Variants in RBSN observed in about 807,000 individuals in gnomAD.
RBSN encodes rabenosyn, RAB effector, also known as rabenosyn-5.
In RBSN, 34 loss-of-function variants were observed where a neutral mutation model predicts 60.5. That is an observed-to-expected ratio of 0.56 (90% CI 0.43 to 0.75). RBSN has a LOEUF of 0.75. Ranked by LOEUF, RBSN falls within the 30% of genes least tolerant of loss-of-function variation. RBSN has a pLI of 0.00. For synonymous variants in RBSN, 322 were observed against 366.9 expected, an observed-to-expected ratio of 0.88 and a Z score of 1.40; for missense variants, 845 against 986.8, an observed-to-expected ratio of 0.86 and a Z score of 1.92.
rs752428557 is a variant in RBSN, at chr3:15,074,709, C to T, written c.1428G>A (p.Ala476=). ...GAGTGCGCACTTCATCCATGCGGCC[C>T]GCGGCCTTGGCCTGCCTGATGAATG... ...ITSFIRQAKA[A]GRMDEVRTLQ... The change falls in exon 14 of 14, where the codon GCG becomes GCA. Residue 476 remains alanine (A), a synonymous_variant. Coordinates refer to ENST00000253699, the MANE Select transcript of RBSN (RefSeq NM_022340.4). This position sits in a 1 kb window ranked among gnomAD's most constrained non-coding sequence, Gnocchi z 6.4. 2.7e-5 allele frequency: 43 copies of T among 1,614,136 alleles called. No individual in the cohort carries two copies. Among genetic ancestry groups the T allele is most frequent in the Non-Finnish European group, 3.6e-5 (42 of 1,180,056 alleles).
intron 5 of RBSN, among the ~76,000 whole-genome samples, chr3:15,089,072 G>A (rs1251521630): frequency 3.9e-5 from 6 of 152,062 alleles, no homozygotes; most frequent in Non-Finnish European, 4.4e-5. Context: ...CATGAAAATT[G>A]AATAAATCAC....
In RBSN at chr3:15,072,577, T is replaced by C. The variant is rs2042946433; in HGVS notation, c.*1205A>G. On this transcript the variant is annotated 3_prime_UTR_variant, in exon 14 of 14. Coordinates refer to ENST00000253699, the MANE Select transcript of RBSN (RefSeq NM_022340.4). ...GATTCCTAAATTAGAGACCCGGCCT[T>C]TTAAACAGACCCAGATCAGAGTAAC... The C allele has an allele frequency of 6.6e-6, 1 of 152,208 alleles. No homozygotes were observed. The highest frequency in any genetic ancestry group is 1.5e-5 in the Non-Finnish European group (1 of 68,044). The allele number at this position is 152,208 out of a possible 1,614,324, so 9.4% of individuals were successfully genotyped here. A position where few individuals can be genotyped will look rare whatever the true frequency, so the allele number is the denominator to read the frequency against.
At chr3:15,097,509 C>G (rs1310269516) in intron 2 of RBSN, among the ~76,000 whole-genome samples, 2 of 151,830 alleles carry the variant, frequency 1.3e-5, no homozygotes, top group African/African-American at 4.9e-5. Context: ...GAGCGAAACT[C>G]CATCTCAAAA....
chr3:15,095,800 T>C (rs1446793419), intron 4 of RBSN, 173 bp downstream of exon 4: 3 of 785,608 alleles, frequency 3.8e-6, no homozygotes, highest in Non-Finnish European at 6.0e-6. Context: ...GAGGATTAAA[T>C]GAAATTAATA....
At chr3:15,078,799 T>A (rs866621270) in intron 10 of RBSN, among the ~76,000 whole-genome samples, 4 of 98,166 alleles carry the variant, frequency 4.1e-5, no homozygotes, top group South Asian at 7.4e-4. Flanking sequence ...TATATATATA[T>A]ATATATATAT....
Position 15,084,048 on chromosome 3 carries a change from C to T in RBSN, c.598+687G>A, listed in dbSNP as rs541315665. On this transcript the variant is annotated intron_variant, in intron 8 of 13. Coordinates refer to ENST00000253699, the MANE Select transcript of RBSN (RefSeq NM_022340.4). The surrounding 1 kb of genome is among the most constrained non-coding windows in gnomAD (Gnocchi z 4.2). ...AATGGGCAAAAAATGACCTGTGAGC[C>T]AAGTCCAGCCTCCAGGCTGTTTCTA... 3.3e-5 allele frequency among the ~76,000 whole-genome samples: 5 copies of T among 152,348 alleles called. No homozygotes were observed. In the East Asian group the frequency reaches 7.7e-4, roughly 23 times the overall value.
intron 9 of RBSN, chr3:15,081,390 G>C (rs532012485): frequency 6.6e-6 from 1 of 152,586 alleles, no homozygotes; most frequent in Non-Finnish European, 1.5e-5. Flanking sequence ...AGTGATGCCA[G>C]GCAACAATGG....
chr3:15,091,963 G>A (rs1046246823), intron 4 of RBSN, among the ~76,000 whole-genome samples: 3 of 152,168 alleles, frequency 2.0e-5, no homozygotes, highest in Non-Finnish European at 4.4e-5. Flanking sequence ...TCTTCCACCA[G>A]AATCTAGTAG....
At chr3:15,083,311 G>C (rs2043254199) in intron 8 of RBSN, among the ~76,000 whole-genome samples, 1 of 152,324 alleles carries the variant, frequency 6.6e-6, no homozygotes, top group African/African-American at 2.4e-5. Flanking sequence ...CCTGGTATAT[G>C]TGAGAGTTGG....
intron 10 of RBSN, among the ~76,000 whole-genome samples, chr3:15,078,822 A>G (rs2043132244): frequency 9.4e-6 from 1 of 106,130 alleles, no homozygotes; most frequent in Non-Finnish European, 2.0e-5. Context: ...ATATATATAT[A>G]TACATGGTTT....
chr3:15,074,127 C>T lies in RBSN; in HGVS notation c.2010G>A (p.Glu670=). 1 of 1,614,138 alleles carries T rather than the reference C, an allele frequency of 6.2e-7. No individual in the cohort carries two copies. The highest frequency in any genetic ancestry group is 1.6e-4 in the Middle Eastern group (1 of 6,062). The change falls in exon 14 of 14, where the codon GAG becomes GAA. Residue 670 remains glutamate (E), a synonymous_variant. Coordinates refer to ENST00000253699, the MANE Select transcript of RBSN (RefSeq NM_022340.4). The surrounding 1 kb of genome is among the most constrained non-coding windows in gnomAD (Gnocchi z 6.4). ...EYNPFEEEDE[E]EEAVAGNPFI... ...ATGGATTCCCTGCCACTGCTTCCTCCTCCTCGTCCTCTTCCTCGAAAGGAT... is the reference window on the plus strand; with the variant it reads ...ATGGATTCCCTGCCACTGCTTCCTCTTCCTCGTCCTCTTCCTCGAAAGGAT...
chr3:15,085,790 A>T, intron 6 of RBSN, 71 bp downstream of exon 6: 1 of 1,265,422 alleles, frequency 7.9e-7, no homozygotes, highest in Non-Finnish European at 1.2e-6. Flanking sequence ...CACAGGCTAT[A>T]GAAATGTGAT....
At chr3:15,098,379 A>AG (rs1385753314) in intron 1 of RBSN, 105 bp from the exon 2 acceptor site, 1 of 178 alleles carries the variant, frequency 5.6e-3, no homozygotes, top group Admixed American at 0.062. Context: ...GAAATCTAAC[A>AG]CAACCACCGA....
At chr3:15,096,401 A>G (rs2043658761) in intron 3 of RBSN, 113 bp from the exon 4 acceptor site, 1 of 305,230 alleles carries the variant, frequency 3.3e-6, no homozygotes, top group East Asian at 5.4e-5. Flanking sequence ...TATTCAGTGC[A>G]AGTTTGAGAA....
chr3:15,075,696 A>G lies in RBSN; in HGVS notation c.1116T>C (p.Gly372=), dbSNP rs1458118885. 6.2e-7 allele frequency: 1 copy of G among 1,613,978 alleles called. No homozygotes were observed. Among genetic ancestry groups the G allele is most frequent in the Non-Finnish European group, 8.5e-7 (1 of 1,180,006 alleles). Residue 372 remains glycine (G), a synonymous_variant, in exon 13 of 14, where the codon GGT becomes GGC. Coordinates refer to ENST00000253699, the MANE Select transcript of RBSN (RefSeq NM_022340.4). ...GTTCTTTGGTTGGCAGTGACATCAA[A>G]CCAAGCAACTTTTCCTGCAGGGAGT... ...ATLFVQEKLL[G]LMSLPTKEQF... is the part of the protein sequence containing the mutation.
At chr3:15,080,672 G>A in intron 10 of RBSN, 60 bp downstream of exon 10, 7 of 1,519,480 alleles carry the variant, frequency 4.6e-6, no homozygotes, top group Non-Finnish European at 6.3e-6. Context: ...CTGGAGAATT[G>A]ACCTAAAATG....
Position 15,077,242 on chromosome 3 carries a change from T to G in RBSN, c.999-78A>C. ...AGGGTGAAAAGTATAACATCTGGAGTTGCCAGGCTTTCATGCCAGGAAGGT... is the reference window on the plus strand; with the variant it reads ...AGGGTGAAAAGTATAACATCTGGAGGTGCCAGGCTTTCATGCCAGGAAGGT... On this transcript the variant is annotated intron_variant, in intron 11 of 13. Coordinates refer to ENST00000253699, the MANE Select transcript of RBSN (RefSeq NM_022340.4). The surrounding 1 kb of genome is among the most constrained non-coding windows in gnomAD (Gnocchi z 4.4). The G allele has an allele frequency of 8.0e-7, 1 of 1,246,134 alleles. No homozygotes were observed. The allele number at this position is 1,246,134 out of a possible 1,614,324, so 77.2% of individuals were successfully genotyped here.
chr3:15,095,284 A>T (rs917142637), intron 4 of RBSN, among the ~76,000 whole-genome samples: 1 of 151,212 alleles, frequency 6.6e-6, no homozygotes, highest in Non-Finnish European at 1.5e-5. Context: ...CTGGCCTCCC[A>T]AAGTGCTGCG....
chr3:15,074,188 G>A lies in RBSN; in HGVS notation c.1949C>T (p.Ser650Phe), dbSNP rs2042988650. 1.2e-6 allele frequency: 2 copies of A among 1,611,798 alleles called. No individual in the cohort carries two copies. Among genetic ancestry groups the A allele is most frequent in the Non-Finnish European group, 1.7e-6 (2 of 1,178,606 alleles). The change falls in exon 14 of 14, where the codon TCC (serine) becomes TTC (phenylalanine). Residue 650 changes from serine (S) to phenylalanine (F), a missense_variant. Ser to Phe is a radical substitution (Grantham distance 155). Transcript: ENST00000253699. The surrounding 1 kb of genome is among the most constrained non-coding windows in gnomAD (Gnocchi z 6.4). ...CAGGATGCGGGCTGAAGGGTCTAAG[G>A]AAACCCCTGCAGCAGGAGGACCAGT... is the stretch of plus-strand genomic sequence containing the variant. ...ATTGPPAAGV[S>F]LDPSARILKE...
Sources: allele counts gnomAD v4.1 joint callset (sites outside exome capture counted in the v4.1 genomes callset), GRCh38; gene constraint gnomAD v4.1.1; non-coding constraint Gnocchi (gnomAD v3.1); transcripts MANE v1.5; gene names NCBI Gene and HGNC (gene_info 2026-07-23, HGNC 2026-07-21).